The following BORCS5 variants were observed in gnomAD, a reference collection of about 807,000 sequenced individuals.
BORCS5 encodes BLOC-1-related complex subunit 5.
In BORCS5, 17 loss-of-function variants were observed where a neutral mutation model predicts 22.1. The observed-to-expected ratio is 0.77, with a 90% CI of 0.53 to 1.15. The LOEUF is 1.15. BORCS5 is among the 50% of genes most tolerant of loss of function. The probability of loss-of-function intolerance (pLI) is 0.00; values close to 1 mark genes in which losing one functional copy is unlikely to be tolerated. For synonymous variants in BORCS5, 117 were observed against 99.8 expected (o/e 1.17, Z -1.03); for missense variants, 247 against 253.2 (o/e 0.98, Z 0.17).
chr12:12,421,198 G>T (rs545739603), intron 2 of BORCS5, among the ~76,000 whole-genome samples: 1 of 152,206 alleles, frequency 6.6e-6, no homozygotes, highest in East Asian at 1.9e-4. Flanking sequence ...GTCATTAATA[G>T]CTCTTATTAT....
At chr12:12,366,798 A>G (rs973370958) in intron 2 of BORCS5, among the ~76,000 whole-genome samples, 25 of 152,238 alleles carry the variant, frequency 1.6e-4, no homozygotes, top group African/African-American at 5.5e-4. Context: ...TTACAAAAAT[A>G]ATTATTCACT....
chr12:12,464,280 G>A (rs1240759476), intron 3 of BORCS5, among the ~76,000 whole-genome samples: 1 of 151,904 alleles, frequency 6.6e-6, no homozygotes, highest in Admixed American at 6.6e-5. Flanking sequence ...CAAGCAAGAG[G>A]CCCGCCAGAG....
At chr12:12,395,176 C>T (rs950409639) in intron 2 of BORCS5, among the ~76,000 whole-genome samples, 2 of 151,858 alleles carry the variant, frequency 1.3e-5, no homozygotes, top group Non-Finnish European at 2.9e-5. Context: ...TCTGAATATC[C>T]TGCATTGAGG....
In BORCS5 at chr12:12,463,962, G is replaced by A. The variant is rs11054920; in HGVS notation, c.361-1584G>A. The stretch of plus-strand genomic sequence containing the variant: ...CCCTGCCAAGTAAAATGTGATGCCC[G>A]AGAAGGTTCCCAATTCAGGATTCCA... On this transcript the variant is annotated intron_variant, in intron 3 of 3. Transcript: ENST00000314565. 3.5e-3 allele frequency among the ~76,000 whole-genome samples: 529 copies of A among 152,248 alleles called. 2 individuals are homozygous for A. Among genetic ancestry groups the A allele is most frequent in the South Asian group, 9.9e-3 (48 of 4,826 alleles).
chr12:12,372,541 A>G (rs1185769983), intron 2 of BORCS5, among the ~76,000 whole-genome samples: 1 of 152,084 alleles, frequency 6.6e-6, no homozygotes, highest in Non-Finnish European at 1.5e-5. Context: ...TAAGGATACC[A>G]GACTTTATTC....
At chr12:12,421,564 A>G (rs1942122742) in intron 2 of BORCS5, among the ~76,000 whole-genome samples, 1 of 152,200 alleles carries the variant, frequency 6.6e-6, no homozygotes, top group Non-Finnish European at 1.5e-5. Context: ...TGCTGGCCTC[A>G]TAAAATGAGT....
rs2136119035 is a variant in BORCS5, at chr12:12,430,923, G to C, written c.203-4705G>C. 1.3e-5 allele frequency among the ~76,000 whole-genome samples: 2 copies of C among 152,014 alleles called. 1 individual carries two copies. The highest frequency in any genetic ancestry group is 4.2e-4 in the South Asian group (2 of 4,808). ...AGAGAGCGCCCTCATTCTTTTCTTT[G>C]TTCATGTAATACTATTTATAGATAT... is the stretch of plus-strand genomic sequence containing the variant. On this transcript the variant is annotated intron_variant, in intron 2 of 3. Coordinates refer to ENST00000314565, the MANE Select transcript of BORCS5 (RefSeq NM_058169.6).
intron 3 of BORCS5, among the ~76,000 whole-genome samples, chr12:12,441,555 C>T (rs1946402976): frequency 6.6e-6 from 1 of 151,994 alleles, no homozygotes; most frequent in Non-Finnish European, 1.5e-5. Flanking sequence ...TTTGTTATTG[C>T]TTTAAATATA....
intron 3 of BORCS5, among the ~76,000 whole-genome samples, chr12:12,463,918 G>A (rs1030734096): frequency 1.3e-5 from 2 of 152,146 alleles, no homozygotes; most frequent in African/African-American, 4.8e-5. Flanking sequence ...TAGGGTTGCG[G>A]GGTGGAGGGC....
At chr12:12,416,970 T>A (rs1317980674) in intron 2 of BORCS5, among the ~76,000 whole-genome samples, 1 of 150,966 alleles carries the variant, frequency 6.6e-6, no homozygotes, top group Non-Finnish European at 1.5e-5. Flanking sequence ...TTTTTTTTTT[T>A]AGTAGAGGTG....
chr12:12,449,096 T>C (rs546483893), intron 3 of BORCS5, among the ~76,000 whole-genome samples: 1 of 152,274 alleles, frequency 6.6e-6, no homozygotes, highest in South Asian at 2.1e-4. Flanking sequence ...AATGGGGCTT[T>C]TTAACAGTGT....
chr12:12,371,587 C>A (rs1863530441), intron 2 of BORCS5, among the ~76,000 whole-genome samples: 1 of 152,202 alleles, frequency 6.6e-6, no homozygotes, highest in Non-Finnish European at 1.5e-5. Context: ...AGCCACCATG[C>A]CTGGCCTATA....
intron 2 of BORCS5, among the ~76,000 whole-genome samples, chr12:12,362,046 G>T (rs1189464966): frequency 1.3e-5 from 2 of 152,158 alleles, no homozygotes; most frequent in Non-Finnish European, 2.9e-5. Flanking sequence ...CCCCACCAAA[G>T]ATTAGGAAAT....
chr12:12,357,630 T>A, intron 1 of BORCS5, 121 bp downstream of exon 1: 2 of 1,055,714 alleles, frequency 1.9e-6, no homozygotes, highest in African/African-American at 1.7e-5. Flanking sequence ...TTCACCGTGC[T>A]AGTAGGAAAA....
intron 1 of BORCS5, among the ~76,000 whole-genome samples, chr12:12,359,918 A>C (rs554459788): frequency 1.3e-5 from 2 of 152,122 alleles, no homozygotes; most frequent in African/African-American, 4.8e-5. Context: ...TAAATTTTGT[A>C]CCCTTTATTT....
intron 2 of BORCS5, among the ~76,000 whole-genome samples, chr12:12,403,548 T>A (rs371452746): frequency 6.6e-6 from 1 of 152,004 alleles, no homozygotes; most frequent in African/African-American, 2.4e-5. Flanking sequence ...AATTACATAC[T>A]TTTTTTTCCC....
chr12:12,450,481 A>G (rs895600836), intron 3 of BORCS5, among the ~76,000 whole-genome samples: 2 of 152,102 alleles, frequency 1.3e-5, no homozygotes, highest in African/African-American at 4.8e-5. Context: ...TTGTTTTGTA[A>G]TTGTCCATGT....
chr12:12,414,757 G>A (rs1331290806), intron 2 of BORCS5, among the ~76,000 whole-genome samples: 2 of 136,110 alleles, frequency 1.5e-5, no homozygotes, highest in Admixed American at 7.1e-5. Flanking sequence ...CCCAGACGGG[G>A]TGGCTGCCGG....
At chr12:12,440,793 G>GA (rs1237980787) in intron 3 of BORCS5, among the ~76,000 whole-genome samples, 1 of 152,192 alleles carries the variant, frequency 6.6e-6, no homozygotes, top group Non-Finnish European at 1.5e-5. Flanking sequence ...GTTGGAATTG[G>GA]AAGGACCTTA....
Sources: gnomAD v4.1 joint callset for allele counts (sites outside exome capture counted in the v4.1 genomes callset) on GRCh38, gnomAD v4.1.1 for gene constraint, MANE v1.5 for transcripts, NCBI Gene and HGNC (gene_info 2026-07-23, HGNC 2026-07-21) for gene names.